The following C19orf18 variants were observed in gnomAD, a reference collection of about 807,000 sequenced individuals.
The protein encoded by C19orf18 is chromosome 19 open reading frame 18.
Under a neutral mutation model 23.3 loss-of-function variants are expected in C19orf18, and 21 were observed. The ratio of observed to expected loss-of-function variants is 0.90; its 90% CI spans 0.64 to 1.30. C19orf18 has a LOEUF of 1.30. Among genes scored for constraint, C19orf18 ranks in the 50% most tolerant of loss-of-function variants. C19orf18 has a pLI of 0.00. For synonymous variants in C19orf18, 96 were observed against 95.2 expected, an observed-to-expected ratio of 1.01 and a Z score of -0.05; for missense variants, 249 against 259.6, an observed-to-expected ratio of 0.96 and a Z score of 0.28.
At chr19:57,973,276 C>CATTTCCCT (rs1357967444) in intron 2 of C19orf18, among the ~76,000 whole-genome samples, 3 of 148,708 alleles carry the variant, frequency 2.0e-5, no homozygotes, top group African/African-American at 7.4e-5. Context: ...ACACAGACAG[C>CATTTCCCT]ATTTCCCTTG....
At chr19:57,963,688 C>A (rs2072888765) in intron 4 of C19orf18, among the ~76,000 whole-genome samples, 1 of 151,942 alleles carries the variant, frequency 6.6e-6, no homozygotes, top group Admixed American at 6.6e-5. Context: ...GAGATTGAGA[C>A]CATCCTGGGT....
rs368167745 is a variant in C19orf18 at position 57,970,367 on chromosome 19, A to G, written c.268+2096T>C. 2.6e-5 allele frequency among the ~76,000 whole-genome samples: 4 copies of G among 152,216 alleles called. No homozygotes were observed. The South Asian group carries it at 8.3e-4, about 32-fold the overall frequency. On this transcript the variant is annotated intron_variant, in intron 3 of 5. Transcript: ENST00000314391. ...ATATGGAAAATGTTACAATCCTGCTACAATGTCAGTCTCTGCACATATAAG... is the reference window on the plus strand; with the variant it reads ...ATATGGAAAATGTTACAATCCTGCTGCAATGTCAGTCTCTGCACATATAAG...
chr19:57,965,402 T>C (rs558386938), intron 4 of C19orf18, among the ~76,000 whole-genome samples: 12 of 152,282 alleles, frequency 7.9e-5, no homozygotes, highest in African/African-American at 2.6e-4. Context: ...CCCAGAGTGC[T>C]GGGATTACAG....
At chr19:57,961,366 G>A (rs749019180) in intron 5 of C19orf18, 25 bp downstream of exon 5, 15 of 1,557,480 alleles carry the variant, frequency 9.6e-6, no homozygotes, top group South Asian at 4.8e-5. Flanking sequence ...GCTTTCCTGC[G>A]AATAGCTCTT....
At chr19:57,961,274 G>A (rs1327547719) in intron 5 of C19orf18, 117 bp downstream of exon 5, 2 of 1,102,924 alleles carry the variant, frequency 1.8e-6, no homozygotes, top group East Asian at 4.9e-5. Flanking sequence ...AAGAAAGAAA[G>A]AAAGGAAAGA....
At chr19:57,973,598 G>A (rs1463008699) in intron 2 of C19orf18, among the ~76,000 whole-genome samples, 4 of 151,828 alleles carry the variant, frequency 2.6e-5, no homozygotes, top group Non-Finnish European at 5.9e-5. Context: ...GGTGGCGGGT[G>A]CCTGTAGTCC....
At chr19:57,961,668 G>C (rs2072873035) in intron 4 of C19orf18, 117 bp from the exon 5 acceptor site, 1 of 1,149,324 alleles carries the variant, frequency 8.7e-7, no homozygotes, top group Non-Finnish European at 1.2e-6. Context: ...GCAGACATAA[G>C]ACTTTGAAAC....
At chr19:57,961,840 A>T (rs2072874045) in intron 4 of C19orf18, among the ~76,000 whole-genome samples, 1 of 152,054 alleles carries the variant, frequency 6.6e-6, no homozygotes, top group Non-Finnish European at 1.5e-5. Flanking sequence ...AAAAATCCAT[A>T]ATCAAACAAA....
intron 2 of C19orf18, among the ~76,000 whole-genome samples, chr19:57,973,145 C>CAAAAAAAAAAAAA (rs61625681): frequency 4.1e-5 from 1 of 24,164 alleles, no homozygotes; most frequent in Non-Finnish European, 7.4e-5. Flanking sequence ...GACTCCGTCT[C>CAAAAAAAAAAAAA]AAAAAAAAAA....
chr19:57,966,764 T>G lies in C19orf18; in HGVS notation c.269-132A>C, dbSNP rs529963415. Reference sequence around the variant, plus strand: ...ACACTTTCAAAAATAGCTTGTTTTGTTTTTTTTTGTTTTGTTTTCTTTTTT... The same window carrying G: ...ACACTTTCAAAAATAGCTTGTTTTGGTTTTTTTTGTTTTGTTTTCTTTTTT... On this transcript the variant is annotated intron_variant, in intron 3 of 5. Transcript: ENST00000314391. 2.3e-3 allele frequency: 777 copies of G among 338,464 alleles called. 11 individuals are homozygous for G. Among genetic ancestry groups the G allele is most frequent in the Middle Eastern group, 8.6e-4 (1 of 1,160 alleles). 21.0% of individuals were successfully genotyped at this position (338,464 alleles called of 1,614,324 possible). A position where few individuals can be genotyped will look rare whatever the true frequency, so the allele number is the denominator to read the frequency against.
chr19:57,970,819 C>G lies in C19orf18; in HGVS notation c.268+1644G>C, dbSNP rs539929370. ...AGGTGATCTACCCACCTCAGCCCCC[C>G]AAAGTGTTGGGATTACAGGCATGAG... is the stretch of plus-strand genomic sequence containing the variant. On this transcript the variant is annotated intron_variant, in intron 3 of 5. Transcript: ENST00000314391. Among the ~76,000 whole-genome samples, 3 of 152,304 alleles carry G rather than the reference C, an allele frequency of 2.0e-5. No homozygotes were observed. The East Asian group carries it at 5.8e-4, about 29-fold the overall frequency.
At chr19:57,969,642 C>T (rs1239139373) in intron 3 of C19orf18, among the ~76,000 whole-genome samples, 1 of 141,028 alleles carries the variant, frequency 7.1e-6, no homozygotes, top group Non-Finnish European at 1.5e-5. Flanking sequence ...CATGGTGGCT[C>T]ATGTCTGTAA....
At chr19:57,969,881 A>AAAC (rs2123232025) in intron 3 of C19orf18, among the ~76,000 whole-genome samples, 1 of 147,898 alleles carries the variant, frequency 6.8e-6, no homozygotes, top group African/African-American at 2.5e-5. Context: ...CTCCATCTCA[A>AAAC]AAAAAAAAAA....
intron 4 of C19orf18, among the ~76,000 whole-genome samples, chr19:57,963,400 T>C (rs1404161974): frequency 6.6e-6 from 1 of 152,178 alleles, no homozygotes; most frequent in African/African-American, 2.4e-5. Flanking sequence ...AATATCAAGA[T>C]TGTAAACAGA....
intron 4 of C19orf18, among the ~76,000 whole-genome samples, chr19:57,961,905 T>G (rs2072875571): frequency 6.6e-6 from 1 of 152,014 alleles, no homozygotes; most frequent in South Asian, 2.1e-4. Flanking sequence ...TTTTTTCCTT[T>G]TTCTTTCTTC....
intron 3 of C19orf18, among the ~76,000 whole-genome samples, chr19:57,971,213 C>G (rs2072942336): frequency 6.6e-6 from 1 of 152,268 alleles, no homozygotes; most frequent in Middle Eastern, 3.4e-3. Flanking sequence ...AGACTGCCCT[C>G]CCAGGTCCAG....
intron 5 of C19orf18, among the ~76,000 whole-genome samples, chr19:57,960,539 A>G (rs1295607912): frequency 6.6e-6 from 1 of 152,088 alleles, no homozygotes; most frequent in African/African-American, 2.4e-5. Flanking sequence ...ATGCTGGGAA[A>G]TTTTACCCTG....
chr19:57,970,715 A>G (rs2072938974), intron 3 of C19orf18, among the ~76,000 whole-genome samples: 1 of 124,440 alleles, frequency 8.0e-6, no homozygotes, highest in African/African-American at 3.3e-5. Context: ...GGCCTCCACC[A>G]TGCCCAGCTA....
chr19:57,969,516 T>C (rs1335897698), intron 3 of C19orf18, among the ~76,000 whole-genome samples: 21 of 124,232 alleles, frequency 1.7e-4, no homozygotes, highest in Non-Finnish European at 2.3e-4. Flanking sequence ...GATGGCGCCA[T>C]TGCACTCCAG....
Sources: gnomAD v4.1 joint callset for allele counts (sites outside exome capture counted in the v4.1 genomes callset) on GRCh38, gnomAD v4.1.1 for gene constraint, MANE v1.5 for transcripts, NCBI Gene and HGNC (gene_info 2026-07-23, HGNC 2026-07-21) for gene names.